The following ZFPM2 variants were observed in gnomAD, a reference collection of about 807,000 sequenced individuals.
ZFPM2 encodes the protein zinc finger protein, FOG family member 2, also known as zinc finger protein ZFPM2.
In ZFPM2, 20 loss-of-function variants were observed where a neutral mutation model predicts 98.6. The observed-to-expected ratio is 0.20, with a 90% CI of 0.14 to 0.29. The LOEUF is 0.29. Among genes scored for constraint, ZFPM2 ranks in the 10% least tolerant of loss-of-function variants. ZFPM2 has a pLI of 1.00. For missense variants in ZFPM2, 1,310 were observed against 1,388.6 expected (o/e 0.94, Z 0.90); for synonymous variants, 518 against 502.7 (o/e 1.03, Z -0.41).
At chr8:105,522,319 C>T (rs1311553659) in intron 3 of ZFPM2, among the ~76,000 whole-genome samples, 5 of 152,056 alleles carry the variant, frequency 3.3e-5, no homozygotes, top group Non-Finnish European at 5.9e-5. Context: ...AAGTTAGGAA[C>T]GATGTTTGGG....
chr8:105,425,043 C>G (rs879446159), intron 2 of ZFPM2, among the ~76,000 whole-genome samples: 7 of 148,180 alleles, frequency 4.7e-5, no homozygotes, highest in Non-Finnish European at 7.4e-5. Flanking sequence ...AGTACTGAGT[C>G]AAGTCTGCAG....
chr8:105,495,792 C>T (rs565813041), intron 3 of ZFPM2, among the ~76,000 whole-genome samples: 1 of 152,232 alleles, frequency 6.6e-6, no homozygotes, highest in South Asian at 2.1e-4. Flanking sequence ...TAAGGTTATT[C>T]TTACTCTTGA....
intron 1 of ZFPM2, among the ~76,000 whole-genome samples, chr8:105,376,974 G>C (rs1290513061): frequency 3.9e-5 from 6 of 152,236 alleles, no homozygotes; most frequent in African/African-American, 1.4e-4. Context: ...GAAACTTCCT[G>C]CTCAGCTCTC....
chr8:105,458,658 T>G (rs1812645386), intron 3 of ZFPM2, among the ~76,000 whole-genome samples: 1 of 152,188 alleles, frequency 6.6e-6, no homozygotes, highest in Non-Finnish European at 1.5e-5. Context: ...CAGTATGTAT[T>G]TTTAATAAGC....
intron 1 of ZFPM2, among the ~76,000 whole-genome samples, chr8:105,368,347 T>C (rs1006340951): frequency 2.6e-5 from 4 of 152,166 alleles, no homozygotes; most frequent in African/African-American, 9.6e-5. Context: ...AAGTAATAAC[T>C]GGTTACTAGT....
At chr8:105,660,276 T>G (rs1305170831) in intron 5 of ZFPM2, among the ~76,000 whole-genome samples, 1 of 152,152 alleles carries the variant, frequency 6.6e-6, no homozygotes, top group African/African-American at 2.4e-5. Flanking sequence ...CGAGTATGCT[T>G]TCCAGAGGGG....
In ZFPM2 at chr8:105,566,014, G is replaced by A. The variant is rs1272416972; in HGVS notation, c.420+4533G>A. ...AGAGCCAGTGGTGCAGATGAAGTTC[G>A]ATAGCGGTCTTTGGGATATTTCCTC... On this transcript the variant is annotated intron_variant, in intron 4 of 7. Transcript: ENST00000407775. Among the ~76,000 whole-genome samples, 6 of 152,148 alleles carry A rather than the reference G, an allele frequency of 3.9e-5. No homozygotes were observed. In the East Asian group the frequency reaches 9.6e-4, roughly 24 times the overall value.
intron 4 of ZFPM2, among the ~76,000 whole-genome samples, chr8:105,621,296 A>G (rs1816538872): frequency 6.6e-6 from 1 of 152,106 alleles, no homozygotes. Flanking sequence ...GCAATTGTGA[A>G]TGGGAGTTCA....
chr8:105,567,079 AT>A (rs1296900519), intron 4 of ZFPM2, among the ~76,000 whole-genome samples: 1 of 152,194 alleles, frequency 6.6e-6, no homozygotes, highest in Admixed American at 6.5e-5. Flanking sequence ...CCTGCTTATA[AT>A]TAGAATTATT....
At chr8:105,681,952 C>T (rs1433265573) in intron 5 of ZFPM2, among the ~76,000 whole-genome samples, 1 of 152,046 alleles carries the variant, frequency 6.6e-6, no homozygotes, top group Non-Finnish European at 1.5e-5. Flanking sequence ...TGCTCTATCT[C>T]CATTGTCTGA....
chr8:105,740,230 A>G (rs1812180527), intron 5 of ZFPM2, among the ~76,000 whole-genome samples: 1 of 152,070 alleles, frequency 6.6e-6, no homozygotes, highest in Non-Finnish European at 1.5e-5. Context: ...ATACTTTTAT[A>G]ATTCTCTTCC....
chr8:105,504,277 G>T (rs777382095), intron 3 of ZFPM2, among the ~76,000 whole-genome samples: 2 of 152,182 alleles, frequency 1.3e-5, no homozygotes, highest in Non-Finnish European at 2.9e-5. Context: ...GGTTGACTGA[G>T]AGTTGATAAG....
At chr8:105,567,377 G>A (rs1002268325) in intron 4 of ZFPM2, among the ~76,000 whole-genome samples, 3 of 152,168 alleles carry the variant, frequency 2.0e-5, no homozygotes, top group Non-Finnish European at 4.4e-5. Flanking sequence ...ACCAATGATG[G>A]ACAGAAAGTT....
At chr8:105,380,647 A>ATATATATATATTATATATTACATATATAT (rs1810837044) in intron 1 of ZFPM2, among the ~76,000 whole-genome samples, 1 of 13,904 alleles carries the variant, frequency 7.2e-5, no homozygotes, top group Non-Finnish European at 1.3e-4. Flanking sequence ...TATATATATT[A>ATATATATATATTATATATTACATATATAT]TATATATATA....
At chr8:105,729,684 C>T (rs1246888710) in intron 5 of ZFPM2, among the ~76,000 whole-genome samples, 4 of 151,674 alleles carry the variant, frequency 2.6e-5, no homozygotes, top group African/African-American at 9.6e-5. Flanking sequence ...ATATAACTGA[C>T]TCATATTCTG....
chr8:105,652,341 C>T (rs1427355404), intron 5 of ZFPM2, among the ~76,000 whole-genome samples: 1 of 113,116 alleles, frequency 8.8e-6, no homozygotes, highest in East Asian at 2.6e-4. Flanking sequence ...GCCTGACATA[C>T]AGTAGTACTT....
At position 105,597,696 on chromosome 8, in the gene ZFPM2, T is replaced by C. The variant is rs567098247; in HGVS notation, c.420+36215T>C. Among the ~76,000 whole-genome samples the C allele has an allele frequency of 2.0e-5, 3 of 152,262 alleles. No individual in the cohort carries two copies. In the South Asian group the frequency reaches 6.2e-4, roughly 32 times the overall value. On this transcript the variant is annotated intron_variant, in intron 4 of 7. Transcript: ENST00000407775. The stretch of plus-strand genomic sequence containing the variant: ...CATCTTAATTTAGTAATAAAAAGGA[T>C]AGCATAACAATATATTTGAGTCTCC...
intron 1 of ZFPM2, among the ~76,000 whole-genome samples, chr8:105,351,079 G>A (rs2342799): frequency 0.87 from 132,020 of 151,262 alleles, 57,880 homozygotes; most frequent in East Asian, 0.97. Context: ...GCTACTGGGG[G>A]GGCTGAGGCA....
chr8:105,756,511 T>C (rs1812601970), intron 5 of ZFPM2, among the ~76,000 whole-genome samples: 1 of 152,154 alleles, frequency 6.6e-6, no homozygotes, highest in African/African-American at 2.4e-5. Flanking sequence ...AAACAGACTA[T>C]AATAAAGTAG....
Sources: allele counts gnomAD v4.1 joint callset (sites outside exome capture counted in the v4.1 genomes callset), GRCh38; gene constraint gnomAD v4.1.1; transcripts MANE v1.5; gene names NCBI Gene and HGNC (gene_info 2026-07-23, HGNC 2026-07-21).